The following GLT1D1 variants were observed in gnomAD, a reference collection of about 807,000 sequenced individuals.
The protein encoded by GLT1D1 is glycosyltransferase 1 domain containing 1.
GLT1D1 carries 21 observed loss-of-function variants against 28.7 expected under a neutral mutation model. The ratio of observed to expected loss-of-function variants is 0.73; its 90% CI spans 0.52 to 1.05. The LOEUF (loss-of-function observed/expected upper bound fraction) is 1.05, where lower values mean the gene tolerates loss of function less well. GLT1D1 is among the 50% of genes least tolerant of loss of function. The pLI, the probability that GLT1D1 is intolerant of heterozygous loss-of-function variation, is 0.00. For synonymous variants in GLT1D1, 147 were observed against 124.8 expected (o/e 1.18, Z -1.19); for missense variants, 343 against 330.6 (o/e 1.04, Z -0.29).
intron 4 of GLT1D1, among the ~76,000 whole-genome samples, chr12:128,933,602 G>A (rs1874189753): frequency 6.6e-6 from 1 of 152,152 alleles, no homozygotes; most frequent in South Asian, 2.1e-4. Flanking sequence ...GGGTCCGTGG[G>A]TGTGTTGGAC....
At chr12:128,959,419 GACGGGT>G (rs1565913928) in intron 7 of GLT1D1, among the ~76,000 whole-genome samples, 57 of 80,670 alleles carry the variant, frequency 7.1e-4, no homozygotes, top group East Asian at 1.9e-3. Flanking sequence ...AGTGGGGGGG[GACGGGT>G]GGGGAGGTGG....
At chr12:128,982,090 T>C (rs990095632) in intron 7 of GLT1D1, among the ~76,000 whole-genome samples, 3 of 152,172 alleles carry the variant, frequency 2.0e-5, no homozygotes, top group African/African-American at 7.2e-5. Flanking sequence ...CACTCTTTCA[T>C]TGCTGCACCA....
In GLT1D1 at chr12:128,916,328, T is replaced by A. The variant is rs538336482; in HGVS notation, c.375+17041T>A. ...CCGTTACAAATACATTTACTATGAATATCCTTGTGCAAGGTTTTTTGGTGA... is the reference window on the plus strand; with the variant it reads ...CCGTTACAAATACATTTACTATGAAAATCCTTGTGCAAGGTTTTTTGGTGA... On this transcript the variant is annotated intron_variant, in intron 4 of 7. Transcript: ENST00000281703. Among the ~76,000 whole-genome samples the A allele has an allele frequency of 3.9e-5, 6 of 152,374 alleles. No homozygotes were observed. In the South Asian group the frequency reaches 1.2e-3, roughly 32 times the overall value.
intron 1 of GLT1D1, among the ~76,000 whole-genome samples, chr12:128,860,670 G>C (rs371745955): frequency 2.0e-5 from 3 of 152,126 alleles, no homozygotes; most frequent in East Asian, 3.9e-4. Context: ...GTGTGGACTC[G>C]ATCCTTCGGG....
At chr12:128,938,015 C>T (rs776451355) in intron 4 of GLT1D1, among the ~76,000 whole-genome samples, 2 of 152,238 alleles carry the variant, frequency 1.3e-5, no homozygotes, top group Non-Finnish European at 2.9e-5. Context: ...CCAGAATCGA[C>T]GTAAGCTTAT....
intron 4 of GLT1D1, among the ~76,000 whole-genome samples, chr12:128,936,493 G>T (rs1230902648): frequency 6.6e-6 from 1 of 152,142 alleles, no homozygotes; most frequent in Admixed American, 6.5e-5. Flanking sequence ...TTTCTGCTTT[G>T]ACATGCTGAG....
chr12:128,918,654 C>A (rs1872344733), intron 4 of GLT1D1, among the ~76,000 whole-genome samples: 1 of 152,208 alleles, frequency 6.6e-6, no homozygotes, highest in African/African-American at 2.4e-5. Flanking sequence ...TACAGATGAA[C>A]CCACACGACC....
chr12:128,912,819 G>A (rs1054085224), intron 4 of GLT1D1, among the ~76,000 whole-genome samples: 6 of 151,544 alleles, frequency 4.0e-5, no homozygotes, highest in Admixed American at 6.6e-5. Flanking sequence ...GGCATGAGCC[G>A]CCATGCCCAG....
rs375744847 is a variant in GLT1D1, at chr12:128,896,144, A to G, written c.324-3092A>G. Reference sequence around the variant, plus strand: ...AGAGAGGCATTGGAGGTGTTGAGTCAAGGTAACACCAGGGCTTTTTTTGTC... The same window carrying G: ...AGAGAGGCATTGGAGGTGTTGAGTCGAGGTAACACCAGGGCTTTTTTTGTC... On this transcript the variant is annotated intron_variant, in intron 3 of 7. Coordinates refer to ENST00000281703, the MANE Select transcript of GLT1D1 (RefSeq NM_144669.3). Among the ~76,000 whole-genome samples, 69 of 152,266 alleles carry G rather than the reference A, an allele frequency of 4.5e-4. 1 individual carries two copies. The highest frequency in any genetic ancestry group is 9.4e-4 in the African/African-American group (39 of 41,554).
intron 4 of GLT1D1, among the ~76,000 whole-genome samples, chr12:128,919,052 T>C (rs1213468195): frequency 6.6e-6 from 1 of 152,210 alleles, no homozygotes; most frequent in African/African-American, 2.4e-5. Context: ...GATAACGGCT[T>C]AAGGGTAGAT....
At chr12:128,876,672 A>G (rs1037661431) in intron 2 of GLT1D1, among the ~76,000 whole-genome samples, 5 of 152,196 alleles carry the variant, frequency 3.3e-5, no homozygotes, top group African/African-American at 1.2e-4. Flanking sequence ...TTCTTTTACA[A>G]ATAGAGCACT....
At chr12:128,881,562 ATATATATATATATAT>A (rs1201901692) in intron 2 of GLT1D1, among the ~76,000 whole-genome samples, 2 of 21,874 alleles carry the variant, frequency 9.1e-5, no homozygotes, top group Non-Finnish European at 1.6e-4. Flanking sequence ...AAAAAAAAAA[ATATATATATATATAT>A]ATATATATAT....
chr12:128,887,184 G>A (rs538629045), intron 2 of GLT1D1, among the ~76,000 whole-genome samples: 15 of 151,884 alleles, frequency 9.9e-5, no homozygotes, highest in African/African-American at 3.1e-4. Flanking sequence ...GCTAATTTTC[G>A]TATTTTTACA....
chr12:128,940,753 A>C (rs2135478843), intron 4 of GLT1D1, among the ~76,000 whole-genome samples: 1 of 152,316 alleles, frequency 6.6e-6, no homozygotes, highest in Non-Finnish European at 1.5e-5. Context: ...GGAGGATGTT[A>C]GGTTGTGACT....
At chr12:128,873,903 CTT>C (rs1956763613) in intron 1 of GLT1D1, among the ~76,000 whole-genome samples, 1 of 124,460 alleles carries the variant, frequency 8.0e-6, no homozygotes, top group East Asian at 2.7e-4. Flanking sequence ...CTCCCTTTCT[CTT>C]TCTTTCTCTC....
rs1161429342 is a variant in GLT1D1, at chr12:128,881,534, G to GA, written c.217+5500dup. ...GGGCAACAGAGTGAGACTCTGTATC[G>GA]AAAAAAAAAAAAAAAAAAAAAAAAA... is the stretch of plus-strand genomic sequence containing the variant. On this transcript the variant is annotated intron_variant, in intron 2 of 7. Transcript: ENST00000281703. Among the ~76,000 whole-genome samples the GA allele has an allele frequency of 5.3e-3, 127 of 23,852 alleles. 12 individuals carry two copies. The highest frequency in any genetic ancestry group is 6.5e-3 in the Non-Finnish European group (83 of 12,846). 15.6% of individuals were successfully genotyped at this position (23,852 alleles called of 152,430 possible).
intron 1 of GLT1D1, among the ~76,000 whole-genome samples, chr12:128,858,153 A>C (rs1377174357): frequency 2.0e-5 from 3 of 152,174 alleles, no homozygotes; most frequent in Non-Finnish European, 4.4e-5. Flanking sequence ...ATCTTGCCCA[A>C]ATTCCTGTCT....
chr12:128,896,683 G>A (rs950333051), intron 3 of GLT1D1, among the ~76,000 whole-genome samples: 10 of 150,334 alleles, frequency 6.7e-5, no homozygotes, highest in Admixed American at 2.0e-4. Context: ...AGGTTCAAGC[G>A]GTCCCCCTGC....
At chr12:128,935,445 G>C (rs970811090) in intron 4 of GLT1D1, among the ~76,000 whole-genome samples, 1 of 151,550 alleles carries the variant, frequency 6.6e-6, no homozygotes, top group Non-Finnish European at 1.5e-5. Flanking sequence ...GGAGGCTGAG[G>C]CAAGGAAATC....
Sources: gnomAD v4.1 joint callset for allele counts (sites outside exome capture counted in the v4.1 genomes callset) on GRCh38, gnomAD v4.1.1 for gene constraint, MANE v1.5 for transcripts, NCBI Gene and HGNC (gene_info 2026-07-23, HGNC 2026-07-21) for gene names.